PLPP3: variants seen among roughly 807,000 people sequenced by gnomAD.
PLPP3 encodes phospholipid phosphatase 3, also known as PAP2 beta.
A neutral mutation model predicts 29.6 loss-of-function variants in PLPP3; 6 were observed. That is an observed-to-expected ratio of 0.20 (90% CI 0.11 to 0.40). The LOEUF (loss-of-function observed/expected upper bound fraction) is 0.40, where lower values mean the gene tolerates loss of function less well. PLPP3 is among the 10% of genes least tolerant of loss of function. The pLI, the probability that PLPP3 is intolerant of heterozygous loss-of-function variation, is 1.00. For missense variants in PLPP3, 308 were observed against 407.7 expected, an observed-to-expected ratio of 0.76 and a Z score of 2.11; for synonymous variants, 152 against 159.7, an observed-to-expected ratio of 0.95 and a Z score of 0.36.
At chr1:56,573,998 G>A (rs1181754352) in intron 1 of PLPP3, among the ~76,000 whole-genome samples, 1 of 152,020 alleles carries the variant, frequency 6.6e-6, no homozygotes, top group East Asian at 1.9e-4. Flanking sequence ...TCAGGAGATC[G>A]AGACCATCTT....
chr1:56,523,687 C>T (rs1010770901), intron 4 of PLPP3, 136 bp downstream of exon 4: 20 of 961,138 alleles, frequency 2.1e-5, no homozygotes, highest in Non-Finnish European at 3.2e-5. Flanking sequence ...CAGAATTAAA[C>T]CTAACTTTTC....
chr1:56,531,497 TG>T (rs1457859464), intron 2 of PLPP3, among the ~76,000 whole-genome samples: 2 of 152,230 alleles, frequency 1.3e-5, no homozygotes, highest in Non-Finnish European at 2.9e-5. Context: ...ACACAGCAGG[TG>T]ATCACCATCT....
chr1:56,547,071 C>T (rs1306752638), intron 1 of PLPP3, among the ~76,000 whole-genome samples: 1 of 152,176 alleles, frequency 6.6e-6, no homozygotes, highest in African/African-American at 2.4e-5. Flanking sequence ...AGGTGCATAA[C>T]AGTAATATCC....
At position 56,496,811 on chromosome 1, in the gene PLPP3, A is replaced by G; in HGVS notation, c.811-135T>C. The G allele has an allele frequency of 4.8e-6, 4 of 834,550 alleles. No homozygotes were observed. In the South Asian group the frequency reaches 7.3e-5, roughly 15 times the overall value. 51.7% of individuals were successfully genotyped at this position (834,550 alleles called of 1,614,324 possible). A position where few individuals can be genotyped will look rare whatever the true frequency, so the allele number is the denominator to read the frequency against. On this transcript the variant is annotated intron_variant, in intron 5 of 5. Transcript: ENST00000371250. ...CATAACTCTTTGAATAGGGAAGGAC[A>G]ACAGAGATCATATCATCAAGGTTTA...
intron 1 of PLPP3, among the ~76,000 whole-genome samples, chr1:56,553,230 T>C (rs576296364): frequency 2.0e-5 from 3 of 152,188 alleles, no homozygotes; most frequent in Non-Finnish European, 4.4e-5. Context: ...GCAGGGCCAA[T>C]GTTTAATATT....
intron 1 of PLPP3, among the ~76,000 whole-genome samples, chr1:56,552,293 C>T (rs960585739): frequency 6.6e-6 from 1 of 151,242 alleles, no homozygotes; most frequent in East Asian, 1.9e-4. Flanking sequence ...CCCAGATCTA[C>T]GTGACCCGAA....
At chr1:56,557,756 A>G (rs752817989) in intron 1 of PLPP3, among the ~76,000 whole-genome samples, 2 of 152,222 alleles carry the variant, frequency 1.3e-5, no homozygotes, top group Non-Finnish European at 2.9e-5. Flanking sequence ...GAGGAAAGAT[A>G]GCTTCTGAAA....
At chr1:56,559,824 G>C (rs1483063177) in intron 1 of PLPP3, among the ~76,000 whole-genome samples, 1 of 152,080 alleles carries the variant, frequency 6.6e-6, no homozygotes, top group Non-Finnish European at 1.5e-5. Context: ...CTGGAAAATG[G>C]GGATGAGGAA....
intron 1 of PLPP3, among the ~76,000 whole-genome samples, chr1:56,543,172 C>T (rs1645981659): frequency 6.6e-6 from 1 of 152,108 alleles, no homozygotes; most frequent in African/African-American, 2.4e-5. Flanking sequence ...AGCAATGGTC[C>T]CAATTTGGAC....
chr1:56,539,905 C>T (rs1256535313), intron 1 of PLPP3, among the ~76,000 whole-genome samples: 1 of 152,112 alleles, frequency 6.6e-6, no homozygotes, highest in Non-Finnish European at 1.5e-5. Context: ...TGCTCTGGTG[C>T]CTAGGAGCCA....
chr1:56,572,981 T>C (rs1223949003), intron 1 of PLPP3, among the ~76,000 whole-genome samples: 2 of 152,228 alleles, frequency 1.3e-5, no homozygotes, highest in Non-Finnish European at 2.9e-5. Flanking sequence ...GTTTGCTTTA[T>C]GTCAGGATTC....
At chr1:56,522,829 A>G (rs1645828322) in intron 4 of PLPP3, among the ~76,000 whole-genome samples, 1 of 152,180 alleles carries the variant, frequency 6.6e-6, no homozygotes, top group Non-Finnish European at 1.5e-5. Context: ...TCTGAATTCT[A>G]TCAAAGCGGC....
intron 2 of PLPP3, among the ~76,000 whole-genome samples, chr1:56,534,305 G>T (rs569951833): frequency 6.6e-6 from 1 of 152,242 alleles, no homozygotes; most frequent in African/African-American, 2.4e-5. Context: ...TGAAAAAGAG[G>T]TCAACATGAC....
At chr1:56,562,609 G>A (rs971897212) in intron 1 of PLPP3, among the ~76,000 whole-genome samples, 1 of 152,186 alleles carries the variant, frequency 6.6e-6, no homozygotes, top group African/African-American at 2.4e-5. Context: ...AGCTCTGTGA[G>A]GTAGGCAGGG....
chr1:56,519,360 AT>A (rs902034803), intron 4 of PLPP3, among the ~76,000 whole-genome samples: 6 of 152,084 alleles, frequency 3.9e-5, no homozygotes, highest in African/African-American at 1.4e-4. Context: ...TAACCTACAT[AT>A]CCCCTTGCCC....
intron 1 of PLPP3, among the ~76,000 whole-genome samples, chr1:56,567,479 G>C (rs1183187759): frequency 2.1e-5 from 3 of 139,966 alleles, no homozygotes; most frequent in Admixed American, 7.7e-5. Flanking sequence ...CTCACTGCAA[G>C]CTCTGCCTCC....
intron 5 of PLPP3, among the ~76,000 whole-genome samples, chr1:56,510,140 G>A (rs565998791): frequency 1.1e-4 from 17 of 152,200 alleles, no homozygotes; most frequent in East Asian, 5.8e-4. Context: ...GGGCAGTGGC[G>A]CCAAGAAGGA....
chr1:56,536,094 G>A (rs1223907730), intron 2 of PLPP3, among the ~76,000 whole-genome samples: 1 of 152,136 alleles, frequency 6.6e-6, no homozygotes, highest in Non-Finnish European at 1.5e-5. Flanking sequence ...TCCTGTCCCT[G>A]TGCTTTTCTT....
rs1646260483 is a variant in PLPP3, at chr1:56,579,303, C to G, written c.-287G>C. The G allele has an allele frequency of 2.6e-6, 1 of 384,188 alleles. No individual in the cohort carries two copies. Among genetic ancestry groups the G allele is most frequent in the Non-Finnish European group, 4.7e-6 (1 of 215,018 alleles). The allele number at this position is 384,188 out of a possible 1,614,324, so 23.8% of individuals were successfully genotyped here. A position where few individuals can be genotyped will look rare whatever the true frequency, so the allele number is the denominator to read the frequency against. ...ATCCCGAGCAGAAACTTTTGCAGAG[C>G]TGCGCAGCTTGGGGCGCGCTGTTGT... On this transcript the variant is annotated 5_prime_UTR_variant, in exon 1 of 6. Transcript: ENST00000371250.
Sources: allele counts gnomAD v4.1 joint callset (sites outside exome capture counted in the v4.1 genomes callset), GRCh38; gene constraint gnomAD v4.1.1; transcripts MANE v1.5; gene names NCBI Gene and HGNC (gene_info 2026-07-23, HGNC 2026-07-21).